The following KATNAL1 variants were observed in gnomAD, a reference collection of about 807,000 sequenced individuals.
KATNAL1 encodes the protein katanin p60 ATPase-containing subunit A-like 1.
In KATNAL1, 32 loss-of-function variants were observed where a neutral mutation model predicts 55.2. That is an observed-to-expected ratio of 0.58 (90% CI 0.44 to 0.78). The LOEUF is 0.78. Ranked by LOEUF, KATNAL1 falls within the 30% of genes least tolerant of loss-of-function variation. KATNAL1 has a pLI of 0.00. For missense variants in KATNAL1, 466 were observed against 600.9 expected, an observed-to-expected ratio of 0.78 and a Z score of 2.35; for synonymous variants, 193 against 193.6, an observed-to-expected ratio of 1.00 and a Z score of 0.02.
In KATNAL1 at chr13:30,241,866, C is replaced by A. The variant is rs117619091; in HGVS notation, c.493-780G>T. On this transcript the variant is annotated intron_variant, in intron 4 of 10. Coordinates refer to ENST00000380615, the MANE Select transcript of KATNAL1 (RefSeq NM_032116.5). ...GGACAGATGCTCTGGTTCCTTCAAG[C>A]CACTAGGTAAGTGACCAAACAGTAT... Among the ~76,000 whole-genome samples the A allele has an allele frequency of 1.2e-3, 185 of 152,260 alleles. 2 individuals carry two copies. In the South Asian group the frequency reaches 0.015, roughly 12 times the overall value.
chr13:30,216,650 C>A (rs960982038), intron 9 of KATNAL1, among the ~76,000 whole-genome samples: 2 of 152,104 alleles, frequency 1.3e-5, no homozygotes, highest in African/African-American at 2.4e-5. Context: ...TGGTTTAGAG[C>A]CAAAGAAGTC....
intron 6 of KATNAL1, among the ~76,000 whole-genome samples, chr13:30,239,919 C>T (rs1401273129): frequency 4.6e-5 from 7 of 151,942 alleles, no homozygotes; most frequent in South Asian, 2.1e-4. Context: ...CTCCTGGCCT[C>T]GTGATCCACC....
chr13:30,304,504 C>T (rs1883062044), intron 1 of KATNAL1, among the ~76,000 whole-genome samples: 1 of 152,078 alleles, frequency 6.6e-6, no homozygotes, highest in Admixed American at 6.5e-5. Flanking sequence ...TCTTGATCTC[C>T]TGATCTGCCC....
At chr13:30,306,344 T>A (rs1883174524) in intron 1 of KATNAL1, among the ~76,000 whole-genome samples, 1 of 152,108 alleles carries the variant, frequency 6.6e-6, no homozygotes, top group Non-Finnish European at 1.5e-5. Flanking sequence ...AACACTGGAA[T>A]AATCAAAGAA....
At chr13:30,261,970 A>G (rs1421463219) in intron 3 of KATNAL1, among the ~76,000 whole-genome samples, 1 of 152,352 alleles carries the variant, frequency 6.6e-6, no homozygotes, top group East Asian at 1.9e-4. Context: ...ACTTGGAAGT[A>G]AAGTTCTCCT....
At position 30,280,139 on chromosome 13, in the gene KATNAL1, C is replaced by T. The variant is rs1014666729; in HGVS notation, c.247G>A (p.Asp83Asn). ...TCATCTTGACAGGACACAGGGAAAT[C>T]TGGAGGCTTGTCAATTTTAAAACTT... The part of the protein sequence containing the change: ...LESFKIDKPP[D>N]FPVSCQDEPF... The change falls in exon 3 of 11, where the codon GAT becomes AAT. Residue 83 changes from aspartate (D) to asparagine (N), a missense_variant. Physicochemically the swap from Asp to Asn is conservative, Grantham distance 23. Around this residue, in one of 3 missense-constraint regions of KATNAL1, gnomAD observed 248 missense variants for 275.5 expected, o/e 0.90. Transcript: ENST00000380615. 1.2e-6 allele frequency: 2 copies of T among 1,613,476 alleles called. No individual in the cohort carries two copies. The highest frequency in any genetic ancestry group is 1.7e-6 in the Non-Finnish European group (2 of 1,179,758).
chr13:30,265,472 T>C (rs1301915306), intron 3 of KATNAL1, among the ~76,000 whole-genome samples: 3 of 151,982 alleles, frequency 2.0e-5, no homozygotes, highest in African/African-American at 4.8e-5. Flanking sequence ...CAGAAATATA[T>C]TGAGCACCAC....
chr13:30,208,830 ATTATT>A (rs959210484), intron 10 of KATNAL1, 92 bp from the exon 11 acceptor site: 6 of 886,014 alleles, frequency 6.8e-6, no homozygotes, highest in Non-Finnish European at 8.3e-6. Flanking sequence ...AAATCAAAAG[ATTATT>A]TTATATGTTT....
At position 30,300,343 on chromosome 13, in the gene KATNAL1, G is replaced by A. The variant is rs1882780116; in HGVS notation, c.-15+6988C>T. Among the ~76,000 whole-genome samples the A allele has an allele frequency of 5.3e-5, 8 of 152,168 alleles. 1 individual carries two copies. In the South Asian group the frequency reaches 1.7e-3, roughly 32 times the overall value. ...ATTGTTCCTTTTCCTCCTAAAAGTTGTAAATTCCTGAAAGTAGATGCCTAT... is the reference window on the plus strand; with the variant it reads ...ATTGTTCCTTTTCCTCCTAAAAGTTATAAATTCCTGAAAGTAGATGCCTAT... On this transcript the variant is annotated intron_variant, in intron 1 of 10. Transcript: ENST00000380615.
At chr13:30,288,700 T>C (rs1881951225) in intron 1 of KATNAL1, among the ~76,000 whole-genome samples, 1 of 152,200 alleles carries the variant, frequency 6.6e-6, no homozygotes, top group Non-Finnish European at 1.5e-5. Context: ...TTGACAGCAG[T>C]TTCTCACATT....
chr13:30,240,832 C>T (rs1364287362), intron 5 of KATNAL1, 127 bp downstream of exon 5: 9 of 914,946 alleles, frequency 9.8e-6, no homozygotes, highest in Non-Finnish European at 9.8e-6. Context: ...CTCGTCAATT[C>T]TATACTTTCA....
At chr13:30,302,083 G>A (rs1477705193) in intron 1 of KATNAL1, among the ~76,000 whole-genome samples, 1 of 152,092 alleles carries the variant, frequency 6.6e-6, no homozygotes, top group Non-Finnish European at 1.5e-5. Flanking sequence ...TGTTGCCCAG[G>A]CAACTTGTCT....
chr13:30,214,082 G>A (rs572869440), intron 9 of KATNAL1, among the ~76,000 whole-genome samples: 1 of 151,984 alleles, frequency 6.6e-6, no homozygotes, highest in African/African-American at 2.4e-5. Context: ...AAAGTCTCAG[G>A]ATACAAAATC....
intron 3 of KATNAL1, among the ~76,000 whole-genome samples, chr13:30,268,574 C>T (rs1285036090): frequency 6.6e-6 from 1 of 151,962 alleles, no homozygotes; most frequent in Non-Finnish European, 1.5e-5. Context: ...ATAACACAAG[C>T]CAGAAGACAA....
Position 30,280,490 on chromosome 13 carries a change from T to C in KATNAL1, c.163-267A>G, listed in dbSNP as rs1277818162. On this transcript the variant is annotated intron_variant, in intron 2 of 10. Transcript: ENST00000380615. ...CCATTTCTACCAAAGAACGTGATGA[T>C]CATTAATACAATTTAAAACAAGCAA... Among the ~76,000 whole-genome samples the C allele has an allele frequency of 3.3e-5, 5 of 152,274 alleles. No individual in the cohort carries two copies. The East Asian group carries it at 7.7e-4, about 23-fold the overall frequency.
At position 30,210,719 on chromosome 13, in the gene KATNAL1, A is replaced by G. The variant is rs183386727; in HGVS notation, c.1148-277T>C. ...TTTAAAGACTGTGAAGATACCTACT[A>G]TGAGAACAAAGAATCTGAGATTCTT... On this transcript the variant is annotated intron_variant, in intron 9 of 10. Transcript: ENST00000380615. 36 of 231,878 alleles carry G rather than the reference A, an allele frequency of 1.6e-4. No individual in the cohort carries two copies. In the East Asian group the frequency reaches 2.0e-3, roughly 13 times the overall value. 14.4% of individuals were successfully genotyped at this position (231,878 alleles called of 1,614,324 possible).
intron 3 of KATNAL1, among the ~76,000 whole-genome samples, chr13:30,274,891 A>ACGCGCGCGCGCGTGCGCG (rs371121115): frequency 1.2e-4 from 15 of 122,174 alleles, no homozygotes; most frequent in Non-Finnish European, 2.2e-4. Context: ...GCACACACAT[A>ACGCGCGCGCGCGTGCGCG]CGCGCGCGCG....
At chr13:30,303,636 C>T (rs1882999015) in intron 1 of KATNAL1, among the ~76,000 whole-genome samples, 1 of 152,058 alleles carries the variant, frequency 6.6e-6, no homozygotes, top group African/African-American at 2.4e-5. Flanking sequence ...TACAGATGCT[C>T]AAATATCAGT....
intron 9 of KATNAL1, among the ~76,000 whole-genome samples, chr13:30,211,219 T>C (rs1358306252): frequency 6.6e-6 from 1 of 152,190 alleles, no homozygotes; most frequent in Non-Finnish European, 1.5e-5. Context: ...ATGCCATATA[T>C]ACAGGAAAAG....
Sources: gnomAD v4.1 joint callset for allele counts (sites outside exome capture counted in the v4.1 genomes callset) on GRCh38, gnomAD v4.1.1 for gene constraint, gnomAD v4.1.1 regional missense constraint, MANE v1.5 for transcripts, NCBI Gene and HGNC (gene_info 2026-07-23, HGNC 2026-07-21) for gene names.